GABRB3: variants seen among roughly 807,000 people sequenced by gnomAD.
The protein encoded by GABRB3 is gamma-aminobutyric acid receptor subunit beta-3.
A neutral mutation model predicts 52.1 loss-of-function variants in GABRB3; 14 were observed. The observed-to-expected ratio is 0.27, with a 90% confidence interval of 0.18 to 0.42. The LOEUF is 0.42. GABRB3 is among the 10% of genes least tolerant of loss of function. GABRB3 has a pLI of 1.00. For missense variants in GABRB3, 307 were observed against 609.1 expected (o/e 0.50, Z 5.22); for synonymous variants, 260 against 232.3 (o/e 1.12, Z -1.08).
intron 8 of GABRB3, among the ~76,000 whole-genome samples, chr15:26,552,404 T>C (rs550557245): frequency 1.0e-3 from 154 of 152,314 alleles, no homozygotes; most frequent in African/African-American, 3.5e-3. Flanking sequence ...TTTGAGACAA[T>C]GGAAGCATTC....
chr15:26,656,738 T>C (rs533952560), intron 3 of GABRB3, among the ~76,000 whole-genome samples: 1 of 152,092 alleles, frequency 6.6e-6, no homozygotes, highest in Non-Finnish European at 1.5e-5. Flanking sequence ...AATAGTTTCA[T>C]CCCCAAACCA....
At chr15:26,664,704 GTTTTT>G (rs1162139952) in intron 3 of GABRB3, among the ~76,000 whole-genome samples, 1 of 95,206 alleles carries the variant, frequency 1.1e-5, no homozygotes. Context: ...TCTTTTCTTT[GTTTTT>G]TTTTTTTTTT....
intron 3 of GABRB3, among the ~76,000 whole-genome samples, chr15:26,652,049 T>C (rs1260963441): frequency 1.3e-5 from 2 of 152,176 alleles, no homozygotes; most frequent in East Asian, 1.9e-4. Flanking sequence ...CTATTCTCTC[T>C]GAGGGCTGCC....
chr15:26,698,645 C>A (rs142191528), intron 3 of GABRB3, among the ~76,000 whole-genome samples: 1 of 152,164 alleles, frequency 6.6e-6, no homozygotes, highest in African/African-American at 2.4e-5. Context: ...AGGGAAGGGG[C>A]AACGTTAAGA....
intron 3 of GABRB3, among the ~76,000 whole-genome samples, chr15:26,718,843 CTT>C (rs1239446396): frequency 6.6e-6 from 1 of 151,694 alleles, no homozygotes; most frequent in Non-Finnish European, 1.5e-5. Flanking sequence ...GTGTGGCCCT[CTT>C]GGGCTCAGCT....
At chr15:26,754,436 G>C (rs1890600846) in intron 3 of GABRB3, among the ~76,000 whole-genome samples, 1 of 152,160 alleles carries the variant, frequency 6.6e-6, no homozygotes, top group African/African-American at 2.4e-5. Flanking sequence ...GGGCATGCTG[G>C]AAGGAGTAAG....
intron 3 of GABRB3, among the ~76,000 whole-genome samples, chr15:26,761,618 T>C (rs1156498339): frequency 1.3e-5 from 2 of 152,120 alleles, no homozygotes; most frequent in African/African-American, 4.8e-5. Flanking sequence ...TATTCAAAGA[T>C]GGAATGGGAC....
chr15:26,713,230 C>T lies in GABRB3; in HGVS notation c.240+59172G>A, dbSNP rs575024258. Among the ~76,000 whole-genome samples the T allele has an allele frequency of 3.3e-5, 5 of 152,222 alleles. No homozygotes were observed. The South Asian group carries it at 1.0e-3, about 32-fold the overall frequency. On this transcript the variant is annotated intron_variant, in intron 3 of 8. Transcript: ENST00000311550. Reference sequence around the variant, plus strand: ...CAGTGGGAAAGGTGTCCCAGGAGGCCGTGACTGTAGGGGAAGGGCAGTGGT... The same window carrying T: ...CAGTGGGAAAGGTGTCCCAGGAGGCTGTGACTGTAGGGGAAGGGCAGTGGT...
chr15:26,570,254 C>T (rs1890344287), intron 6 of GABRB3, among the ~76,000 whole-genome samples: 1 of 152,178 alleles, frequency 6.6e-6, no homozygotes, highest in African/African-American at 2.4e-5. Flanking sequence ...GATTTTGGTT[C>T]CACAAACAGC....
intron 3 of GABRB3, among the ~76,000 whole-genome samples, chr15:26,712,898 C>G (rs1889346934): frequency 1.3e-5 from 2 of 152,268 alleles, no homozygotes; most frequent in Middle Eastern, 6.8e-3. Flanking sequence ...GCTGGGAAAC[C>G]CAAAGCCAGC....
Position 26,624,809 on chromosome 15 carries a change from C to T in GABRB3, c.241-3275G>A, listed in dbSNP as rs78922685. On this transcript the variant is annotated intron_variant, in intron 3 of 8. Transcript: ENST00000311550. ...GGGGGTGGTGGAAAGGTCCAAGCCT[C>T]CCTCCACTCTCGTGCAGCCGGGAGT... is the stretch of plus-strand genomic sequence containing the variant. 1.4e-3 allele frequency: 1,409 copies of T among 985,476 alleles called. 15 individuals are homozygous for T. The African/African-American group carries it at 0.023, about 16-fold the overall frequency. The allele number at this position is 985,476 out of a possible 1,614,324, so 61.0% of individuals were successfully genotyped here. A position where few individuals can be genotyped will look rare whatever the true frequency, so the allele number is the denominator to read the frequency against.
rs1889645586 is a variant in GABRB3, at chr15:26,554,176, G to GTATATATATATAAAATATATATA, written c.1081-6043_1081-6042insTATATATATTTTATATATATATA. On this transcript the variant is annotated intron_variant, in intron 8 of 8. Coordinates refer to ENST00000311550, the MANE Select transcript of GABRB3 (RefSeq NM_000814.6). ...TATATATAAAGTATATATATATAAA[G>GTATATATATATAAAATATATATA]TATATATATATATACTATATATATA... Among the ~76,000 whole-genome samples, 12 of 27,340 alleles carry GTATATATATATAAAATATATATA rather than the reference G, an allele frequency of 4.4e-4. 1 individual carries two copies. Among genetic ancestry groups the GTATATATATATAAAATATATATA allele is most frequent in the Non-Finnish European group, 7.4e-4 (10 of 13,538 alleles). The allele number at this position is 27,340 out of a possible 152,430, so 17.9% of individuals were successfully genotyped here. A position where few individuals can be genotyped will look rare whatever the true frequency, so the allele number is the denominator to read the frequency against.
chr15:26,752,670 A>C (rs1028685371), intron 3 of GABRB3, among the ~76,000 whole-genome samples: 2 of 152,158 alleles, frequency 1.3e-5, no homozygotes, highest in Admixed American at 6.5e-5. Flanking sequence ...CACGTTGTGG[A>C]ATGGTATAAT....
At chr15:26,722,457 A>C (rs1225960730) in intron 3 of GABRB3, among the ~76,000 whole-genome samples, 11 of 152,214 alleles carry the variant, frequency 7.2e-5, no homozygotes. Flanking sequence ...GATGGAAAAC[A>C]AACCACATGA....
At chr15:26,732,056 T>C (rs1889929901) in intron 3 of GABRB3, among the ~76,000 whole-genome samples, 1 of 151,712 alleles carries the variant, frequency 6.6e-6, no homozygotes, top group Non-Finnish European at 1.5e-5. Flanking sequence ...GATGGACAGG[T>C]GGACGGATGA....
intron 3 of GABRB3, among the ~76,000 whole-genome samples, chr15:26,676,379 TGA>T (rs1888070054): frequency 1.3e-5 from 2 of 152,084 alleles, no homozygotes; most frequent in South Asian, 4.1e-4. Flanking sequence ...ATCTGTGAGA[TGA>T]GAGTGGACCA....
intron 3 of GABRB3, among the ~76,000 whole-genome samples, chr15:26,663,172 C>A (rs1430413527): frequency 6.6e-6 from 1 of 152,164 alleles, no homozygotes; most frequent in Non-Finnish European, 1.5e-5. Flanking sequence ...TGTGACAGGC[C>A]TGCCTCGTGA....
At chr15:26,726,564 A>G (rs548412228) in intron 3 of GABRB3, among the ~76,000 whole-genome samples, 58 of 152,314 alleles carry the variant, frequency 3.8e-4, no homozygotes, top group Non-Finnish European at 5.9e-4. Flanking sequence ...AGGAGTTCCG[A>G]CAAGGTATCC....
rs1461693323 is a variant in GABRB3, at chr15:26,772,973, C to T, written c.-11G>A. 2 of 1,405,306 alleles carry T rather than the reference C, an allele frequency of 1.4e-6. No individual in the cohort carries two copies. Among genetic ancestry groups the T allele is most frequent in the South Asian group, 1.4e-5 (1 of 70,298 alleles). 87.1% of individuals were successfully genotyped at this position (1,405,306 alleles called of 1,614,324 possible). Reference sequence around the variant, plus strand: ...CGCAAGGCCCCACATCCCTCCGCCGCGCCCCGGCACGGGGGAGGGGGCGCC... The same window carrying T: ...CGCAAGGCCCCACATCCCTCCGCCGTGCCCCGGCACGGGGGAGGGGGCGCC... On this transcript the variant is annotated 5_prime_UTR_variant, in exon 1 of 9. Coordinates refer to ENST00000311550, the MANE Select transcript of GABRB3 (RefSeq NM_000814.6).
Sources: gnomAD v4.1 joint callset for allele counts (sites outside exome capture counted in the v4.1 genomes callset) on GRCh38, gnomAD v4.1.1 for gene constraint, MANE v1.5 for transcripts, NCBI Gene and HGNC (gene_info 2026-07-23, HGNC 2026-07-21) for gene names.